Variants in ANXA10 observed in about 807,000 individuals in gnomAD.
The protein encoded by ANXA10 is annexin 14.
In ANXA10, 49 loss-of-function variants were observed where a neutral mutation model predicts 53.5. The ratio of observed to expected loss-of-function variants is 0.92; its 90% CI spans 0.73 to 1.16. The LOEUF (loss-of-function observed/expected upper bound fraction) is 1.16. Among genes scored for constraint, ANXA10 ranks in the 50% most tolerant of loss-of-function variants. The pLI, the probability that ANXA10 is intolerant of heterozygous loss-of-function variation, is 0.00. For synonymous variants in ANXA10, 131 were observed against 128.9 expected (o/e 1.02, Z -0.11); for missense variants, 393 against 394.4 (o/e 1.00, Z 0.03).
chr4:168,124,922 G>T (rs1288912158), intron 1 of ANXA10, among the ~76,000 whole-genome samples: 5 of 152,154 alleles, frequency 3.3e-5, no homozygotes, highest in Non-Finnish European at 1.5e-5. Context: ...ATTGGCAAAG[G>T]TCTGTATTAA....
chr4:168,126,391 T>G (rs1731070020), intron 1 of ANXA10, among the ~76,000 whole-genome samples: 1 of 152,202 alleles, frequency 6.6e-6, no homozygotes, highest in Non-Finnish European at 1.5e-5. Context: ...CAACTTGTAT[T>G]GCTTCTTTTT....
chr4:168,139,552 C>A lies in ANXA10; in HGVS notation c.167C>A (p.Ala56Glu). The change falls in exon 3 of 12, where the codon GCA (alanine) becomes GAA (glutamate). Residue 56 changes from alanine (A) to glutamate (E), a missense_variant. Ala to Glu is a moderately radical substitution (Grantham distance 107, BLOSUM62 -1). Transcript: ENST00000359299. ...QRCNAQRMMI[A>E]EAYQSMYGRD... ...TGCAATGCACAAAGGATGATGATTGCAGAGGCATACCAGAGCATGTATGGC... is the reference window on the plus strand; with the variant it reads ...TGCAATGCACAAAGGATGATGATTGAAGAGGCATACCAGAGCATGTATGGC... 8.1e-6 allele frequency: 13 copies of A among 1,612,330 alleles called. No individual in the cohort carries two copies. The highest frequency in any genetic ancestry group is 1.1e-5 in the Non-Finnish European group (13 of 1,178,736).
At chr4:168,125,069 T>C (rs1169166465) in intron 1 of ANXA10, among the ~76,000 whole-genome samples, 2 of 152,170 alleles carry the variant, frequency 1.3e-5, no homozygotes, top group East Asian at 1.9e-4. Context: ...CACCCTTTAA[T>C]GTTGGCTGTG....
intron 3 of ANXA10, 118 bp downstream of exon 3, chr4:168,139,698 T>A: frequency 1.6e-6 from 1 of 640,240 alleles, no homozygotes; most frequent in Non-Finnish European, 2.7e-6. Flanking sequence ...CAGACATCAT[T>A]ATATGTCAGA....
At chr4:168,173,658 A>G (rs1330018874) in intron 6 of ANXA10, among the ~76,000 whole-genome samples, 1 of 152,174 alleles carries the variant, frequency 6.6e-6, no homozygotes, top group Non-Finnish European at 1.5e-5. Context: ...ACAAATCTTT[A>G]GGCAGACAGG....
chr4:168,109,830 T>C (rs1365286102), intron 1 of ANXA10, among the ~76,000 whole-genome samples: 3 of 152,242 alleles, frequency 2.0e-5, no homozygotes, highest in African/African-American at 7.2e-5. Context: ...TACCTTTAAA[T>C]ATATTTTAAA....
chr4:168,152,672 C>T (rs1731517217), intron 3 of ANXA10, among the ~76,000 whole-genome samples: 1 of 151,354 alleles, frequency 6.6e-6, no homozygotes, highest in Admixed American at 6.6e-5. Context: ...AAGGGAAACT[C>T]GCTTGGAGGC....
intron 3 of ANXA10, among the ~76,000 whole-genome samples, chr4:168,145,947 G>C (rs567758345): frequency 6.0e-5 from 9 of 150,828 alleles, no homozygotes; most frequent in South Asian, 4.3e-4. Flanking sequence ...CTTTGAGACA[G>C]AGTCTTGCTG....
intron 1 of ANXA10, among the ~76,000 whole-genome samples, chr4:168,118,915 A>G (rs943709582): frequency 1.9e-4 from 29 of 152,166 alleles, no homozygotes; most frequent in Non-Finnish European, 1.0e-4. Flanking sequence ...ATTCTAAAGT[A>G]TCTGGCTAAC....
chr4:168,097,516 A>G (rs1730571023), intron 1 of ANXA10, among the ~76,000 whole-genome samples: 1 of 152,112 alleles, frequency 6.6e-6, no homozygotes. Context: ...GAACCTATGC[A>G]TGAACCCCAG....
chr4:168,165,117 G>A, intron 5 of ANXA10, 130 bp from the exon 6 acceptor site: 1 of 452,756 alleles, frequency 2.2e-6, no homozygotes, highest in Non-Finnish European at 3.9e-6. Flanking sequence ...TATTGACAAA[G>A]AAATGTCAAC....
chr4:168,115,497 G>GCA (rs67627035), intron 1 of ANXA10, among the ~76,000 whole-genome samples: 17,029 of 136,294 alleles, frequency 0.12, 1,165 homozygotes, highest in Non-Finnish European at 0.17. Context: ...CAATACACAC[G>GCA]CACACACACA....
intron 3 of ANXA10, among the ~76,000 whole-genome samples, chr4:168,162,058 A>C (rs1731793491): frequency 2.0e-5 from 3 of 152,166 alleles, no homozygotes; most frequent in African/African-American, 7.2e-5. Flanking sequence ...AAGACTACTT[A>C]ATTAATTTAC....
At chr4:168,121,281 A>G (rs1323155547) in intron 1 of ANXA10, among the ~76,000 whole-genome samples, 1 of 151,982 alleles carries the variant, frequency 6.6e-6, no homozygotes, top group East Asian at 1.9e-4. Context: ...AAGATTAGTC[A>G]TTTTTCTTCA....
intron 1 of ANXA10, among the ~76,000 whole-genome samples, chr4:168,125,680 TCA>T (rs775166012): frequency 5.9e-5 from 9 of 152,202 alleles, no homozygotes; most frequent in Non-Finnish European, 1.3e-4. Context: ...GTGTTTTCTT[TCA>T]GTCTGTACTC....
intron 1 of ANXA10, among the ~76,000 whole-genome samples, chr4:168,126,942 A>G (rs1302321561): frequency 6.6e-6 from 1 of 152,042 alleles, no homozygotes; most frequent in Non-Finnish European, 1.5e-5. Flanking sequence ...AAATATTTTG[A>G]TATTAGTATA....
intron 2 of ANXA10, among the ~76,000 whole-genome samples, chr4:168,133,613 T>C (rs1731189424): frequency 6.6e-6 from 1 of 152,082 alleles, no homozygotes; most frequent in East Asian, 1.9e-4. Context: ...GAAGTATAGT[T>C]TTCAATGCTA....
chr4:168,158,143 TG>T (rs1277556472), intron 3 of ANXA10, among the ~76,000 whole-genome samples: 3 of 152,192 alleles, frequency 2.0e-5, no homozygotes, highest in African/African-American at 7.2e-5. Context: ...GAATATGTGG[TG>T]GTATCTCATG....
intron 3 of ANXA10, among the ~76,000 whole-genome samples, chr4:168,157,377 C>T (rs1389831205): frequency 1.3e-5 from 2 of 152,094 alleles, no homozygotes; most frequent in Non-Finnish European, 2.9e-5. Flanking sequence ...CAGTGATCCT[C>T]CTGACTCAGC....
Sources: allele counts gnomAD v4.1 joint callset (sites outside exome capture counted in the v4.1 genomes callset), GRCh38; gene constraint gnomAD v4.1.1; transcripts MANE v1.5; gene names NCBI Gene and HGNC (gene_info 2026-07-23, HGNC 2026-07-21).